SLC2A13: variants seen among roughly 807,000 people sequenced by gnomAD.
SLC2A13 encodes proton myo-inositol cotransporter.
A neutral mutation model predicts 64.4 loss-of-function variants in SLC2A13; 32 were observed. The ratio of observed to expected loss-of-function variants is 0.50; its 90% CI spans 0.37 to 0.67. The LOEUF (loss-of-function observed/expected upper bound fraction) is 0.67, where lower values mean the gene tolerates loss of function less well. SLC2A13 is among the 30% of genes least tolerant of loss of function. The pLI is 0.00. For missense variants in SLC2A13, 743 were observed against 829.2 expected (o/e 0.90, Z 1.28); for synonymous variants, 338 against 327.1 (o/e 1.03, Z -0.36).
intron 7 of SLC2A13, among the ~76,000 whole-genome samples, chr12:39,824,338 T>A (rs568403721): frequency 6.6e-6 from 1 of 152,326 alleles, no homozygotes; most frequent in South Asian, 2.1e-4. Flanking sequence ...CAGCAGTTTA[T>A]TCTAGCAGCG....
chr12:40,069,986 T>A (rs1937890545), intron 1 of SLC2A13, among the ~76,000 whole-genome samples: 1 of 152,118 alleles, frequency 6.6e-6, no homozygotes, highest in African/African-American at 2.4e-5. Flanking sequence ...TATAAACAAA[T>A]TCCTGAATGG....
At chr12:40,020,377 G>A (rs749020221) in intron 3 of SLC2A13, among the ~76,000 whole-genome samples, 26 of 152,086 alleles carry the variant, frequency 1.7e-4, no homozygotes, top group Admixed American at 9.2e-4. Context: ...GAGCTCTGAC[G>A]GTTTAAAACT....
chr12:40,006,856 T>C (rs1592000121), intron 3 of SLC2A13, among the ~76,000 whole-genome samples: 1 of 152,214 alleles, frequency 6.6e-6, no homozygotes, highest in Admixed American at 6.5e-5. Flanking sequence ...TCATACTCTC[T>C]GCTGCCAAGA....
chr12:39,948,909 A>T (rs1345373388), intron 4 of SLC2A13, among the ~76,000 whole-genome samples: 2 of 152,192 alleles, frequency 1.3e-5, no homozygotes, highest in East Asian at 3.8e-4. Flanking sequence ...AAAAAAGTAA[A>T]TTACTAGACT....
chr12:39,968,749 G>GTTT lies in SLC2A13; in HGVS notation c.926-17387_926-17385dup, dbSNP rs10634186. Among the ~76,000 whole-genome samples the GTTT allele has an allele frequency of 1.0e-3, 111 of 107,942 alleles. 6 individuals are homozygous for GTTT. The highest frequency in any genetic ancestry group is 2.9e-3 in the South Asian group (10 of 3,430). The allele number at this position is 107,942 out of a possible 152,430, so 70.8% of individuals were successfully genotyped here. On this transcript the variant is annotated intron_variant, in intron 3 of 9. Transcript: ENST00000280871. ...CTGCCCTTTCTTTTTTATTTTTGTT[G>GTTT]TTTTTTTTTGGTATATATATATATA...
chr12:39,852,047 G>A (rs536664022), intron 6 of SLC2A13, among the ~76,000 whole-genome samples: 1 of 152,286 alleles, frequency 6.6e-6, no homozygotes, highest in Non-Finnish European at 1.5e-5. Context: ...GGGATTTGTG[G>A]TTTAGAAAGG....
chr12:39,903,794 C>T (rs1945199174), intron 4 of SLC2A13, among the ~76,000 whole-genome samples: 2 of 151,962 alleles, frequency 1.3e-5, no homozygotes, highest in Non-Finnish European at 2.9e-5. Flanking sequence ...CAAATAATTC[C>T]CATTTAGCTT....
chr12:39,830,409 C>T lies in SLC2A13; in HGVS notation c.1320-181G>A, dbSNP rs921824525. 38 of 1,318,690 alleles carry T rather than the reference C, an allele frequency of 2.9e-5. 1 individual carries two copies. In the South Asian group the frequency reaches 5.8e-4, roughly 20 times the overall value. The allele number at this position is 1,318,690 out of a possible 1,614,324, so 81.7% of individuals were successfully genotyped here. A position where few individuals can be genotyped will look rare whatever the true frequency, so the allele number is the denominator to read the frequency against. On this transcript the variant is annotated intron_variant, in intron 6 of 9. Transcript: ENST00000280871. ...CCAGGTGAGAGCTGGCTGGTCTCTT[C>T]GATTTCTCCCTCTTTTGGCCACAGC...
At chr12:40,030,042 A>C (rs1410837772) in intron 2 of SLC2A13, among the ~76,000 whole-genome samples, 1 of 152,230 alleles carries the variant, frequency 6.6e-6, no homozygotes, top group Non-Finnish European at 1.5e-5. Flanking sequence ...GTAGGCATTG[A>C]GTACATATTT....
rs774469718 is a variant in SLC2A13 at position 39,926,704 on chromosome 12, C to T, written c.1034+24553G>A. 3.3e-5 allele frequency among the ~76,000 whole-genome samples: 5 copies of T among 152,310 alleles called. 1 individual carries two copies. Among genetic ancestry groups the T allele is most frequent in the Middle Eastern group, 6.8e-3 (2 of 294 alleles). ...AATCATAGCTCAATGAAGCCCTGATCTCCCAGGCTCAAGAGATCCTCCTAC... is the reference window on the plus strand; with the variant it reads ...AATCATAGCTCAATGAAGCCCTGATTTCCCAGGCTCAAGAGATCCTCCTAC... On this transcript the variant is annotated intron_variant, in intron 4 of 9. Transcript: ENST00000280871.
At chr12:40,033,839 C>A (rs1947939239) in intron 2 of SLC2A13, among the ~76,000 whole-genome samples, 1 of 152,130 alleles carries the variant, frequency 6.6e-6, no homozygotes, top group African/African-American at 2.4e-5. Context: ...AAAATATTTT[C>A]TATGATGAAT....
chr12:39,970,951 G>A (rs922008983), intron 3 of SLC2A13, among the ~76,000 whole-genome samples: 1 of 151,958 alleles, frequency 6.6e-6, no homozygotes, highest in African/African-American at 2.4e-5. Flanking sequence ...TTTTCTTTCC[G>A]GTATGGCTGA....
chr12:39,843,364 A>G (rs1040779321), intron 6 of SLC2A13, among the ~76,000 whole-genome samples: 1 of 152,056 alleles, frequency 6.6e-6, no homozygotes, highest in Admixed American at 6.6e-5. Context: ...AGACAAGCCT[A>G]TCTGTCATTA....
chr12:39,934,083 G>A (rs1425938637), intron 4 of SLC2A13, among the ~76,000 whole-genome samples: 1 of 152,190 alleles, frequency 6.6e-6, no homozygotes, highest in Non-Finnish European at 1.5e-5. Context: ...TCTTAAGTTA[G>A]CTATGACCTA....
At chr12:39,892,912 G>A (rs1313553488) in intron 4 of SLC2A13, among the ~76,000 whole-genome samples, 1 of 151,872 alleles carries the variant, frequency 6.6e-6, no homozygotes, top group Admixed American at 6.6e-5. Flanking sequence ...TGTCATGTTA[G>A]CAAAGAAAAA....
intron 2 of SLC2A13, 110 bp from the exon 3 acceptor site, chr12:40,028,619 C>T (rs1005728862): frequency 9.9e-7 from 1 of 1,014,662 alleles, no homozygotes; most frequent in Admixed American, 2.8e-5. Context: ...GTGAAGTTAG[C>T]CAGAATTATT....
intron 2 of SLC2A13, among the ~76,000 whole-genome samples, chr12:40,040,029 GCT>G (rs1414861914): frequency 1.3e-5 from 2 of 152,202 alleles, no homozygotes; most frequent in African/African-American, 4.8e-5. Flanking sequence ...TATACAAACT[GCT>G]CTGTCATTAC....
chr12:39,962,125 T>C (rs569259081), intron 3 of SLC2A13, among the ~76,000 whole-genome samples: 4 of 152,286 alleles, frequency 2.6e-5, no homozygotes, highest in South Asian at 4.1e-4. Flanking sequence ...AAAAGCCCTA[T>C]GGATTACCCA....
chr12:40,050,620 C>T (rs796394381), intron 1 of SLC2A13, among the ~76,000 whole-genome samples: 15 of 152,272 alleles, frequency 9.9e-5, no homozygotes, highest in African/African-American at 3.6e-4. Flanking sequence ...CTCAGGATAT[C>T]CCTTTAAAGG....
Sources: allele counts gnomAD v4.1 joint callset (sites outside exome capture counted in the v4.1 genomes callset), GRCh38; gene constraint gnomAD v4.1.1; transcripts MANE v1.5; gene names NCBI Gene and HGNC (gene_info 2026-07-23, HGNC 2026-07-21).